FBXO11: variants seen among roughly 807,000 people sequenced by gnomAD.
The protein encoded by FBXO11 is F-box protein 11, also known as F-box only protein 11.
In FBXO11, 13 loss-of-function variants were observed where a neutral mutation model predicts 117.0. The observed-to-expected ratio is 0.11, with a 90% CI of 0.07 to 0.18. The LOEUF (loss-of-function observed/expected upper bound fraction) is 0.18. Among genes scored for constraint, FBXO11 ranks in the 10% least tolerant of loss-of-function variants. FBXO11 has a pLI of 1.00. For missense variants in FBXO11, 767 were observed against 1,164.4 expected (o/e 0.66, Z 4.97); for synonymous variants, 490 against 380.5 (o/e 1.29, Z -3.35).
At chr2:47,813,962 C>A (rs997651439) in intron 16 of FBXO11, 95 bp from the exon 17 acceptor site, 31 of 929,844 alleles carry the variant, frequency 3.3e-5, no homozygotes, top group Non-Finnish European at 5.0e-5. Context: ...CCACATAAGT[C>A]ACTTAGTAAG....
At chr2:47,826,673 G>A (rs1415202290) in intron 11 of FBXO11, among the ~76,000 whole-genome samples, 1 of 151,548 alleles carries the variant, frequency 6.6e-6, no homozygotes, top group African/African-American at 2.4e-5. Flanking sequence ...TGACTTCTTT[G>A]CTGCACAATT....
chr2:47,864,230 C>A (rs922472753), intron 1 of FBXO11, among the ~76,000 whole-genome samples: 1 of 152,168 alleles, frequency 6.6e-6, no homozygotes, highest in Non-Finnish European at 1.5e-5. Flanking sequence ...TAAGTACTCA[C>A]GGTATTTCAT....
At chr2:47,886,519 G>T (rs950766090) in intron 1 of FBXO11, among the ~76,000 whole-genome samples, 28 of 147,240 alleles carry the variant, frequency 1.9e-4, no homozygotes, top group African/African-American at 7.0e-4. Flanking sequence ...AAAAAAAAAA[G>T]TGAATCTTTC....
chr2:47,822,719 T>C lies in FBXO11; in HGVS notation c.1617-416A>G, dbSNP rs530017985. Among the ~76,000 whole-genome samples, 4 of 152,354 alleles carry C rather than the reference T, an allele frequency of 2.6e-5. No individual in the cohort carries two copies. The South Asian group carries it at 8.3e-4, about 32-fold the overall frequency. ...TAAGGGAAAATGACAGCTTGCAGTT[T>C]TTGACTTTTTGATAATTTTAGTCTT... On this transcript the variant is annotated intron_variant, in intron 12 of 22. Coordinates refer to ENST00000403359, the MANE Select transcript of FBXO11 (RefSeq NM_001190274.2).
chr2:47,834,480 A>G, intron 7 of FBXO11, 99 bp downstream of exon 7: 1 of 834,976 alleles, frequency 1.2e-6, no homozygotes, highest in East Asian at 2.7e-5. Context: ...TACCAGCAGG[A>G]TATTATAAAA....
intron 17 of FBXO11, 32 bp from the exon 18 acceptor site, chr2:47,813,409 G>A (rs193161361): frequency 3.4e-6 from 3 of 889,974 alleles, no homozygotes; most frequent in East Asian, 7.2e-5. Context: ...TTATCTAGAA[G>A]GTATATTTCT....
At chr2:47,812,188 CTT>C (rs758830242) in intron 18 of FBXO11, among the ~76,000 whole-genome samples, 1 of 152,170 alleles carries the variant, frequency 6.6e-6, no homozygotes, top group Non-Finnish European at 1.5e-5. Flanking sequence ...TTCCTCTAGA[CTT>C]TTGTTTACGA....
intron 16 of FBXO11, among the ~76,000 whole-genome samples, chr2:47,814,593 G>A (rs1670880695): frequency 6.6e-6 from 1 of 152,028 alleles, no homozygotes; most frequent in African/African-American, 2.4e-5. Context: ...TGCCCAGGCT[G>A]TTCTCAAACT....
At chr2:47,816,192 T>C (rs1231331129) in intron 16 of FBXO11, among the ~76,000 whole-genome samples, 2 of 152,124 alleles carry the variant, frequency 1.3e-5, no homozygotes, top group Non-Finnish European at 2.9e-5. Flanking sequence ...TTTTGTTCTG[T>C]TTTTTGAGAC....
At chr2:47,813,660 T>A (rs1670793251) in intron 17 of FBXO11, 131 bp downstream of exon 17, 9 of 682,940 alleles carry the variant, frequency 1.3e-5, no homozygotes, top group Non-Finnish European at 1.7e-5. Flanking sequence ...CTTAAACTCC[T>A]GACCTCGGGT....
intron 1 of FBXO11, among the ~76,000 whole-genome samples, chr2:47,887,283 T>A (rs946299098): frequency 6.8e-6 from 1 of 147,546 alleles, no homozygotes; most frequent in East Asian, 2.1e-4. Context: ...GAAACTCCGT[T>A]TCAAAAAAAA....
intron 1 of FBXO11, among the ~76,000 whole-genome samples, chr2:47,863,287 G>C (rs919188477): frequency 6.6e-6 from 1 of 152,108 alleles, no homozygotes; most frequent in African/African-American, 2.4e-5. Context: ...ACACTTTCTT[G>C]TTAGGAATAA....
At chr2:47,845,836 G>A (rs927488502) in intron 1 of FBXO11, among the ~76,000 whole-genome samples, 1 of 151,592 alleles carries the variant, frequency 6.6e-6, no homozygotes, top group Admixed American at 6.6e-5. Context: ...CTCAATTCAG[G>A]GAGTTCTTCG....
intron 1 of FBXO11, among the ~76,000 whole-genome samples, chr2:47,884,592 A>G (rs1223185734): frequency 6.6e-6 from 1 of 152,214 alleles, no homozygotes; most frequent in African/African-American, 2.4e-5. Flanking sequence ...GGAAAGTATG[A>G]TTATTAATTG....
intron 11 of FBXO11, among the ~76,000 whole-genome samples, chr2:47,828,557 C>T (rs540367462): frequency 4.0e-5 from 6 of 151,134 alleles, no homozygotes; most frequent in Non-Finnish European, 7.4e-5. Flanking sequence ...TGCAGTGAGC[C>T]GCGATTGCAC....
At chr2:47,881,011 T>G (rs187598381) in intron 1 of FBXO11, among the ~76,000 whole-genome samples, 189 of 152,238 alleles carry the variant, frequency 1.2e-3, no homozygotes, top group African/African-American at 4.2e-3. Flanking sequence ...TCCCAGCACT[T>G]TGGGAGGCTG....
chr2:47,904,451 AAGCAGGATTTCAACCTCGGGG>A (rs1456307504), intron 1 of FBXO11, among the ~76,000 whole-genome samples: 2 of 152,214 alleles, frequency 1.3e-5, no homozygotes, highest in East Asian at 3.8e-4. Flanking sequence ...ATTTTTGCTA[AAGCAGGATTTCAACCTCGGGG>A]AGCCTCAGCC....
intron 1 of FBXO11, among the ~76,000 whole-genome samples, chr2:47,851,306 A>C (rs1376969651): frequency 6.6e-6 from 1 of 150,472 alleles, no homozygotes; most frequent in Non-Finnish European, 1.5e-5. Flanking sequence ...GGCTTACCAC[A>C]ACCTCTGCCT....
chr2:47,901,715 C>A (rs1457651585), intron 1 of FBXO11, among the ~76,000 whole-genome samples: 1 of 152,110 alleles, frequency 6.6e-6, no homozygotes. Context: ...CTGATGAGAA[C>A]ACACAGCACT....
Sources: gnomAD v4.1 joint callset for allele counts (sites outside exome capture counted in the v4.1 genomes callset) on GRCh38, gnomAD v4.1.1 for gene constraint, MANE v1.5 for transcripts, NCBI Gene and HGNC (gene_info 2026-07-23, HGNC 2026-07-21) for gene names.